RYR3: variants seen among roughly 807,000 people sequenced by gnomAD.
RYR3 encodes brain ryanodine receptor-calcium release channel.
In RYR3, 207 loss-of-function variants were observed where a neutral mutation model predicts 584.3. The observed-to-expected ratio is 0.35, with a 90% CI of 0.32 to 0.40. RYR3 has a LOEUF of 0.40. RYR3 is among the 10% of genes least tolerant of loss of function. The pLI is 1.00. For synonymous variants in RYR3, 2,416 were observed against 2,248.5 expected, an observed-to-expected ratio of 1.07 and a Z score of -2.11; for missense variants, 5,616 against 6,089.2, an observed-to-expected ratio of 0.92 and a Z score of 2.59.
At chr15:33,538,374 T>C (rs939130084) in intron 5 of RYR3, among the ~76,000 whole-genome samples, 4 of 152,170 alleles carry the variant, frequency 2.6e-5, no homozygotes, top group Non-Finnish European at 5.9e-5. Flanking sequence ...TAGTTTGGCT[T>C]CCCTAAAGAG....
At position 33,789,658 on chromosome 15, in the gene RYR3, ATTTTTTTTTTTTTTTTTT is replaced by A. The variant is rs869151934; in HGVS notation, c.9830+1217_9830+1234del. 4.7e-4 allele frequency among the ~76,000 whole-genome samples: 6 copies of A among 12,782 alleles called. No homozygotes were observed. The East Asian group carries it at 0.028, about 60-fold the overall frequency. The allele number at this position is 12,782 out of a possible 152,430, so 8.4% of individuals were successfully genotyped here. A position where few individuals can be genotyped will look rare whatever the true frequency, so the allele number is the denominator to read the frequency against. On this transcript the variant is annotated intron_variant, in intron 67 of 103. Coordinates refer to ENST00000634891, the MANE Select transcript of RYR3 (RefSeq NM_001036.6). Reference sequence around the variant, plus strand: ...TATATATATATATATATATATATATATTTTTTTTTTTTTTTTTTTTTTTTTTTTTTTTTTGAGACGGAG... The same window carrying A: ...TATATATATATATATATATATATATATTTTTTTTTTTTTTTTGAGACGGAG...
chr15:33,512,304 C>T (rs967769612), intron 3 of RYR3, among the ~76,000 whole-genome samples: 1 of 152,190 alleles, frequency 6.6e-6, no homozygotes. Flanking sequence ...TTTTCTTTCT[C>T]CTGCCATATC....
At chr15:33,794,006 CATAA>C (rs1004038696) in intron 67 of RYR3, among the ~76,000 whole-genome samples, 2 of 60,584 alleles carry the variant, frequency 3.3e-5, no homozygotes, top group African/African-American at 8.4e-5. Context: ...ATATAATACA[CATAA>C]ATATATATTA....
rs1246983647 is a variant in RYR3 at position 33,412,946 on chromosome 15, ATCTT to A, written c.52-60469_52-60466del. Among the ~76,000 whole-genome samples the A allele has an allele frequency of 1.3e-5, 2 of 152,178 alleles. No individual in the cohort carries two copies. The highest frequency in any genetic ancestry group is 2.9e-5 in the Non-Finnish European group (2 of 68,030). ...TTCAAGAAACTAGCCTATGTACTCC[ATCTT>A]TCTCTTTCTGTGCTCTTTGAGAATG... On this transcript the variant is annotated intron_variant, in intron 1 of 103. Coordinates refer to ENST00000634891, the MANE Select transcript of RYR3 (RefSeq NM_001036.6). The surrounding 1 kb of genome is among the most constrained non-coding windows in gnomAD (Gnocchi z 4.3).
At chr15:33,478,320 T>C (rs931156621) in intron 2 of RYR3, among the ~76,000 whole-genome samples, 1 of 152,146 alleles carries the variant, frequency 6.6e-6, no homozygotes, top group Non-Finnish European at 1.5e-5. Flanking sequence ...TACAAAGAGC[T>C]TGAGAGGGTC....
chr15:33,463,824 C>T (rs1403364657), intron 1 of RYR3, among the ~76,000 whole-genome samples: 3 of 152,152 alleles, frequency 2.0e-5, no homozygotes, highest in Non-Finnish European at 4.4e-5. Context: ...GGAATTACAA[C>T]AGTCCTCCCT....
chr15:33,535,956 T>G (rs1183716403), intron 5 of RYR3, among the ~76,000 whole-genome samples: 1 of 152,174 alleles, frequency 6.6e-6, no homozygotes. Context: ...CTAAACTAAC[T>G]TACGTTTGTT....
chr15:33,686,798 T>C (rs1307360573), intron 38 of RYR3, among the ~76,000 whole-genome samples: 1 of 152,196 alleles, frequency 6.6e-6, no homozygotes, highest in African/African-American at 2.4e-5. Context: ...ATCCATCACA[T>C]AAACAGAACC....
chr15:33,735,620 A>T (rs1360296446), intron 48 of RYR3, among the ~76,000 whole-genome samples: 1 of 152,196 alleles, frequency 6.6e-6, no homozygotes, highest in Non-Finnish European at 1.5e-5. Flanking sequence ...CGTGTTGCTT[A>T]TCTCTCCTTT....
At chr15:33,403,117 A>G (rs763657128) in intron 1 of RYR3, among the ~76,000 whole-genome samples, 1 of 152,262 alleles carries the variant, frequency 6.6e-6, no homozygotes, top group African/African-American at 2.4e-5. Context: ...GCTATTGGAC[A>G]TGAGGAATCT....
intron 36 of RYR3, among the ~76,000 whole-genome samples, chr15:33,665,606 A>G (rs1432339919): frequency 2.6e-5 from 4 of 152,162 alleles, no homozygotes; most frequent in Non-Finnish European, 1.5e-5. Flanking sequence ...GGGAAGGACA[A>G]GGTTTACTCA....
rs375936450 is a variant in RYR3 at position 33,757,563 on chromosome 15, A to G, written c.8672A>G (p.Tyr2891Cys). Residue 2891 changes from tyrosine (Y) to cysteine (C), a missense_variant, in exon 60 of 104, where the codon TAT becomes TGT. Transcript: ENST00000634891. The part of the protein sequence containing the change: ...SPLKPLSSSG[Y>C]ASHKEKEMVA... ...CTGAAGCCCCTTAGCAGCAGCGGAT[A>G]TGCCTCCCATAAGGAGAAAGAAATG... 1.5e-5 allele frequency: 24 copies of G among 1,611,374 alleles called. No individual in the cohort carries two copies. Among genetic ancestry groups the G allele is most frequent in the African/African-American group, 2.7e-5 (2 of 74,858 alleles).
Position 33,780,145 on chromosome 15 carries a change from G to A in RYR3, c.9138-66G>A, listed in dbSNP as rs933566457. On this transcript the variant is annotated intron_variant, in intron 64 of 103. Transcript: ENST00000634891. ...ATGGATTAATCTATGGGGAAGGCCT[G>A]ATCTGCCAATGCATGGGGCCAGCAT... 7.0e-6 allele frequency: 11 copies of A among 1,581,864 alleles called. No homozygotes were observed. In the East Asian group the frequency reaches 2.5e-4, roughly 35 times the overall value.
chr15:33,481,553 T>C (rs904682373), intron 2 of RYR3, among the ~76,000 whole-genome samples: 46 of 152,306 alleles, frequency 3.0e-4, no homozygotes, highest in African/African-American at 1.1e-3. Flanking sequence ...CAATCTCAGC[T>C]CACTGCAACC....
At position 33,748,204 on chromosome 15, in the gene RYR3, G is replaced by A. The variant is rs776331223; in HGVS notation, c.8080G>A (p.Ala2694Thr). 2 of 1,613,900 alleles carry A rather than the reference G, an allele frequency of 1.2e-6. No individual in the cohort carries two copies. The highest frequency in any genetic ancestry group is 1.1e-5 in the South Asian group (1 of 91,082). ...TGTGGAGAGGACCAAAGAGGGAGAA[G>A]CTTTGGTTCAACAGCGGGAAAATGA... ...WTVERTKEGE[A>T]LVQQRENEKL... Residue 2694 changes from alanine to threonine, a missense_variant, in exon 54 of 104, where the codon GCT becomes ACT. Ala to Thr is a moderately conservative substitution (Grantham distance 58). Transcript: ENST00000634891.
intron 2 of RYR3, among the ~76,000 whole-genome samples, chr15:33,479,022 G>C (rs1331786872): frequency 1.3e-5 from 2 of 152,228 alleles, no homozygotes; most frequent in East Asian, 1.9e-4. Context: ...ACTGATCATG[G>C]CTTGTTCAAA....
intron 50 of RYR3, 61 bp downstream of exon 50, chr15:33,738,651 A>G (rs2069754543): frequency 6.3e-7 from 1 of 1,585,284 alleles, no homozygotes; most frequent in Non-Finnish European, 8.6e-7. Flanking sequence ...TCTACAGATA[A>G]TAACAGCCGT....
chr15:33,331,919 G>A (rs1053152373), intron 1 of RYR3, among the ~76,000 whole-genome samples: 1 of 151,954 alleles, frequency 6.6e-6, no homozygotes, highest in African/African-American at 2.4e-5. Flanking sequence ...GGTAATTGAT[G>A]ATAAAGAATT....
At chr15:33,694,581 G>A (rs2065703804) in intron 38 of RYR3, among the ~76,000 whole-genome samples, 1 of 152,082 alleles carries the variant, frequency 6.6e-6, no homozygotes, top group African/African-American at 2.4e-5. Context: ...AATAAAATTA[G>A]GGTTTCTCCT....
Sources: allele counts gnomAD v4.1 joint callset (sites outside exome capture counted in the v4.1 genomes callset), GRCh38; gene constraint gnomAD v4.1.1; non-coding constraint Gnocchi (gnomAD v3.1); transcripts MANE v1.5; gene names NCBI Gene and HGNC (gene_info 2026-07-23, HGNC 2026-07-21).